DMD: variants seen among roughly 807,000 people sequenced by gnomAD.
DMD encodes the protein mutant dystrophin.
Under a neutral mutation model 330.1 loss-of-function variants are expected in DMD, and 63 were observed. The observed-to-expected ratio is 0.19, with a 90% CI of 0.16 to 0.24. The LOEUF (loss-of-function observed/expected upper bound fraction) is 0.24. DMD is among the 10% of genes least tolerant of loss of function. DMD has a pLI of 1.00. For missense variants in DMD, 3,344 were observed against 2,684.1 expected, an observed-to-expected ratio of 1.25 and a Z score of -5.43; for synonymous variants, 1,223 against 959.8, an observed-to-expected ratio of 1.27 and a Z score of -5.07.
At chrX:33,126,661 A>T (rs1026041053) in intron 1 of DMD, among the ~76,000 whole-genome samples, 1 of 112,381 alleles carries the variant, frequency 8.9e-6, no homozygotes, top group African/African-American at 3.2e-5. Flanking sequence ...AATTTAATAA[A>T]TAGACGGATG....
rs2096705124 is a variant in DMD at position 32,132,993 on chromosome X, C to CTTTTCTTTTTTTTTTTTTTTTTTTTTTT, written c.6438+83922_6438+83923insAAAAAAAAAAAAAAAAAAAAAAAGAAAA. ...TCTCATTGATCACTCCTTTTCTTTT[C>CTTTTCTTTTTTTTTTTTTTTTTTTTTTT]TTTTTTTTTTTTTTTTTTTTTTTTT... On this transcript the variant is annotated intron_variant, in intron 44 of 78. Coordinates refer to ENST00000357033, the MANE Select transcript of DMD (RefSeq NM_004006.3). Among the ~76,000 whole-genome samples, 23 of 75,992 alleles carry CTTTTCTTTTTTTTTTTTTTTTTTTTTTT rather than the reference C, an allele frequency of 3.0e-4. 2 individuals are homozygous for CTTTTCTTTTTTTTTTTTTTTTTTTTTTT. The highest frequency in any genetic ancestry group is 1.4e-3 in the African/African-American group (20 of 14,525). The allele number at this position is 75,992 out of a possible 115,157, so 66.0% of individuals were successfully genotyped here.
At chrX:32,047,764 A>T (rs746875688) in intron 44 of DMD, among the ~76,000 whole-genome samples, 11 of 111,402 alleles carry the variant, frequency 9.9e-5, no homozygotes, top group Non-Finnish European at 2.1e-4. Flanking sequence ...TTTCCATGAA[A>T]TATGACAATA....
chrX:31,444,706 T>G, intron 59 of DMD, 79 bp from the exon 60 acceptor site: 2 of 1,063,351 alleles, frequency 1.9e-6, no homozygotes, highest in East Asian at 3.0e-5. Flanking sequence ...CTTATTCTCT[T>G]TAGGGTGCAG....
At chrX:33,270,910 T>C (rs6527275) in intron 1 of DMD, among the ~76,000 whole-genome samples, 17,509 of 110,999 alleles carry the variant, frequency 0.16, 1,721 homozygotes, top group East Asian at 0.38. Context: ...TTATTTTTAT[T>C]GCTTTAAAAA....
rs768553983 is a variant in DMD, at chrX:32,959,674, A to G, written c.93+60465T>C. Among the ~76,000 whole-genome samples the G allele has an allele frequency of 4.5e-5, 5 of 111,107 alleles. No homozygotes were observed. The East Asian group carries it at 1.4e-3, about 32-fold the overall frequency. On this transcript the variant is annotated intron_variant, in intron 2 of 78. Transcript: ENST00000357033. ...CCTACTGATTCTACTGGGACAACCT[A>G]CAAGGTTGTCTTGTAGCTGTCTTTC... is the stretch of plus-strand genomic sequence containing the variant.
intron 41 of DMD, among the ~76,000 whole-genome samples, chrX:32,334,829 G>A (rs773214520): frequency 7.2e-5 from 8 of 111,362 alleles, no homozygotes; most frequent in East Asian, 2.8e-4. Context: ...CATATCAAAC[G>A]CACTAGAAAG....
At chrX:31,929,935 T>A in intron 46 of DMD, among the ~76,000 whole-genome samples, 190 bp from the exon 47 acceptor site, 1 of 111,676 alleles carries the variant, frequency 9.0e-6, no homozygotes, top group East Asian at 2.8e-4. Context: ...CCTCAGTAGA[T>A]AAATCTCTGT....
At chrX:32,685,945 A>G (rs1320345923) in intron 9 of DMD, among the ~76,000 whole-genome samples, 1 of 111,995 alleles carries the variant, frequency 8.9e-6, no homozygotes, top group African/African-American at 3.2e-5. Flanking sequence ...TTATTACTAA[A>G]TAAGGTATCT....
intron 62 of DMD, among the ~76,000 whole-genome samples, chrX:31,307,427 G>C (rs1490452955): frequency 9.0e-6 from 1 of 111,720 alleles, no homozygotes; most frequent in African/African-American, 3.2e-5. Context: ...TGTTGATGAT[G>C]AATGAGGCTG....
chrX:32,587,128 C>T (rs1382241031), intron 13 of DMD, among the ~76,000 whole-genome samples: 1 of 111,590 alleles, frequency 9.0e-6, no homozygotes, highest in African/African-American at 3.3e-5. Flanking sequence ...AAGATATGTA[C>T]TATAAAAATT....
chrX:32,059,624 T>A (rs1229627038), intron 44 of DMD, among the ~76,000 whole-genome samples: 2 of 111,261 alleles, frequency 1.8e-5, no homozygotes, highest in Admixed American at 1.9e-4. Flanking sequence ...TTCCGAAATA[T>A]TTAGAGAGTA....
At chrX:31,909,181 T>A (rs1421022008) in intron 47 of DMD, among the ~76,000 whole-genome samples, 2 of 112,286 alleles carry the variant, frequency 1.8e-5, no homozygotes, top group African/African-American at 6.5e-5. Flanking sequence ...CAGTCAATCA[T>A]CTTTCACCCT....
At chrX:31,454,379 T>C (rs943700581) in intron 59 of DMD, among the ~76,000 whole-genome samples, 2 of 112,006 alleles carry the variant, frequency 1.8e-5, no homozygotes, top group African/African-American at 6.5e-5. Flanking sequence ...TGACATCAGA[T>C]GATCCACCCG....
intron 44 of DMD, among the ~76,000 whole-genome samples, chrX:32,097,951 C>T (rs7882019): frequency 0.35 from 38,746 of 109,985 alleles, 5,546 homozygotes; most frequent in East Asian, 0.58. Flanking sequence ...TCAGGCTTTG[C>T]ACATCTTCTT....
chrX:32,238,548 C>T (rs1245217515), intron 43 of DMD, among the ~76,000 whole-genome samples: 1 of 111,398 alleles, frequency 9.0e-6, no homozygotes, highest in East Asian at 2.8e-4. Flanking sequence ...ACAACCTACA[C>T]TTGGAAATGA....
intron 2 of DMD, among the ~76,000 whole-genome samples, chrX:32,928,582 C>A (rs1293542307): frequency 1.8e-5 from 2 of 111,802 alleles, no homozygotes; most frequent in Non-Finnish European, 3.8e-5. Context: ...TTCAGTTTTT[C>A]AATCCGTTTC....
chrX:32,269,722 T>C (rs1328945225), intron 43 of DMD, among the ~76,000 whole-genome samples: 1 of 112,315 alleles, frequency 8.9e-6, no homozygotes, highest in African/African-American at 3.2e-5. Context: ...ATTAAAATAA[T>C]ATCCAAGTAT....
intron 44 of DMD, among the ~76,000 whole-genome samples, chrX:32,176,361 C>A (rs895386736): frequency 1.8e-5 from 2 of 111,189 alleles, no homozygotes; most frequent in South Asian, 7.6e-4. Flanking sequence ...ATAGTGGGCA[C>A]CCAATATATT....
At chrX:31,493,558 A>T (rs1203308846) in intron 57 of DMD, among the ~76,000 whole-genome samples, 1 of 110,163 alleles carries the variant, frequency 9.1e-6, no homozygotes, top group Non-Finnish European at 1.9e-5. Flanking sequence ...AAGTAAATGG[A>T]GGCAGTATGG....
Sources: gnomAD v4.1 joint callset for allele counts (sites outside exome capture counted in the v4.1 genomes callset) on GRCh38, gnomAD v4.1.1 for gene constraint, MANE v1.5 for transcripts, NCBI Gene and HGNC (gene_info 2026-07-23, HGNC 2026-07-21) for gene names.